The following FAM90A20 variants were observed in gnomAD, a reference collection of about 807,000 sequenced individuals.
The protein encoded by FAM90A20 is protein FAM90A20.
the FAM90A20 span, chr8:7,296,988 CT>C: frequency 9.4e-6 from 12 of 1,281,602 alleles, no homozygotes; most frequent in Non-Finnish European, 1.2e-5. Context: ...TGCACCTTGT[CT>C]TTGGATGTGT....
At chr8:7,296,514 G>A in the FAM90A20 span, 21,688 of 639,222 alleles carry the variant, frequency 0.034, 2,105 homozygotes, top group Middle Eastern at 0.06. Flanking sequence ...GTCTTCTTGG[G>A]GTCAGGGCCT....
At chr8:7,295,189 G>A in the FAM90A20 span, 1 of 102,330 alleles carries the variant, frequency 9.8e-6, no homozygotes, top group East Asian at 2.4e-4. Context: ...GGGACGGGGG[G>A]AGGGGGTGTC....
chr8:7,296,474 C>G, the FAM90A20 span: 1 of 680,516 alleles, frequency 1.5e-6, no homozygotes, highest in African/African-American at 2.6e-5. Context: ...TTCCCGTCTG[C>G]GGGAGGAAAT....
chr8:7,297,352 C>G, the FAM90A20 span: 4 of 1,422,634 alleles, frequency 2.8e-6, no homozygotes, highest in Admixed American at 3.4e-5. Flanking sequence ...GAGAAGTTCC[C>G]CAGGCTGCCT....
At chr8:7,296,665 G>T in the FAM90A20 span, among the ~76,000 whole-genome samples, 2 of 135,186 alleles carry the variant, frequency 1.5e-5, no homozygotes, top group Non-Finnish European at 3.0e-5. Flanking sequence ...TCCCTCAGAG[G>T]CCGCAAACGT....
chr8:7,297,256 C>A, the FAM90A20 span: 1 of 1,440,444 alleles, frequency 6.9e-7, no homozygotes, highest in Non-Finnish European at 9.5e-7. Flanking sequence ...CTGCCGCCGA[C>A]ATCCCTCGGC....
chr8:7,295,543 T>G, the FAM90A20 span: 4 of 633,440 alleles, frequency 6.3e-6, no homozygotes, highest in African/African-American at 6.5e-5. Flanking sequence ...TATTCAGCTC[T>G]GAATTCACAA....
chr8:7,296,155 T>C, the FAM90A20 span: 1 of 614,886 alleles, frequency 1.6e-6, no homozygotes. Flanking sequence ...TGAGGGAAGG[T>C]GCAGAGGCGG....
At chr8:7,297,402 C>G in the FAM90A20 span, 2 of 1,540,718 alleles carry the variant, frequency 1.3e-6, no homozygotes, top group Non-Finnish European at 8.8e-7. Flanking sequence ...AGAACCCAGG[C>G]ACAAGACAAA....
At chr8:7,297,393 G>C in the FAM90A20 span, 16 of 1,529,110 alleles carry the variant, frequency 1.0e-5, 1 homozygote, top group Non-Finnish European at 1.4e-5. Context: ...CAGGCCGTCA[G>C]AACCCAGGCA....
chr8:7,297,118 T>C, the FAM90A20 span: 1 of 1,506,798 alleles, frequency 6.6e-7, no homozygotes, highest in South Asian at 1.1e-5. Flanking sequence ...GCATGGACCC[T>C]GTCCTCTCTG....
chr8:7,295,292 C>A, the FAM90A20 span, among the ~76,000 whole-genome samples: 1 of 35,850 alleles, frequency 2.8e-5, no homozygotes, highest in African/African-American at 3.6e-4. Context: ...GGCTTGGGAC[C>A]TTCTCCCCGG....
At chr8:7,297,185 C>A in the FAM90A20 span, 10 of 1,538,452 alleles carry the variant, frequency 6.5e-6, no homozygotes, top group South Asian at 1.0e-4. Context: ...ACTGTCTCCC[C>A]TCAGAAAAGC....
the FAM90A20 span, chr8:7,297,311 C>T: frequency 1.7e-5 from 23 of 1,354,476 alleles, 2 homozygotes; most frequent in South Asian, 2.3e-5. Flanking sequence ...CGTGGTGGAG[C>T]CGACACACAG....
the FAM90A20 span, chr8:7,295,489 A>T: frequency 2.0e-6 from 1 of 510,982 alleles, no homozygotes; most frequent in Non-Finnish European, 3.3e-6. Context: ...GAACTCTCCC[A>T]GCACTTAACG....
At chr8:7,298,016 C>G in the FAM90A20 span, 1 of 672,042 alleles carries the variant, frequency 1.5e-6, no homozygotes, top group South Asian at 1.7e-5. Flanking sequence ...CGATTCTGAC[C>G]TGGAGTGAGA....
the FAM90A20 span, chr8:7,297,762 T>C: frequency 2.7e-6 from 4 of 1,474,818 alleles, no homozygotes; most frequent in Non-Finnish European, 3.7e-6. Context: ...GCCTGCACCA[T>C]GTCCCATCAC....
the FAM90A20 span, chr8:7,297,659 A>T: frequency 1.6e-5 from 22 of 1,387,500 alleles, no homozygotes; most frequent in Middle Eastern, 2.4e-4. Flanking sequence ...TGGACCAAGT[A>T]GGTCGCCCCA....
the FAM90A20 span, chr8:7,296,358 G>A: frequency 5.0e-4 from 372 of 745,846 alleles, 45 homozygotes; most frequent in Non-Finnish European, 7.1e-4. Context: ...AGCCGCTGCC[G>A]AATGGAAAAG....
Sources: gnomAD v4.1 joint callset for allele counts (sites outside exome capture counted in the v4.1 genomes callset) on GRCh38, gnomAD v4.1.1 for gene constraint, MANE v1.5 for transcripts, NCBI Gene and HGNC (gene_info 2026-07-23, HGNC 2026-07-21) for gene names.